Variants in CBLB observed in about 807,000 individuals in gnomAD.
The protein encoded by CBLB is E3 ubiquitin-protein ligase CBL-B.
In CBLB, 31 loss-of-function variants were observed where a neutral mutation model predicts 104.9. The ratio of observed to expected loss-of-function variants is 0.30; its 90% confidence interval spans 0.22 to 0.40. The LOEUF (loss-of-function observed/expected upper bound fraction) is 0.40. CBLB is among the 10% of genes least tolerant of loss of function. The probability of loss-of-function intolerance (pLI) is 1.00; values close to 1 mark genes in which losing one functional copy is unlikely to be tolerated. For synonymous variants in CBLB, 440 were observed against 422.6 expected, an observed-to-expected ratio of 1.04 and a Z score of -0.51; for missense variants, 1,062 against 1,214.6, an observed-to-expected ratio of 0.87 and a Z score of 1.87.
intron 2 of CBLB, among the ~76,000 whole-genome samples, chr3:105,855,294 T>C (rs953121051): frequency 3.3e-5 from 5 of 151,814 alleles, no homozygotes; most frequent in Admixed American, 3.3e-4. Context: ...GGTCAAAGAG[T>C]ACAAATTTGA....
intron 8 of CBLB, among the ~76,000 whole-genome samples, chr3:105,735,286 T>A (rs1375539205): frequency 6.6e-6 from 1 of 152,074 alleles, no homozygotes; most frequent in African/African-American, 2.4e-5. Context: ...TGTGGGGAAC[T>A]TAAGGAAAGA....
At chr3:105,743,500 T>C (rs1296270256) in intron 6 of CBLB, among the ~76,000 whole-genome samples, 1 of 151,040 alleles carries the variant, frequency 6.6e-6, no homozygotes. Flanking sequence ...TATATGCATA[T>C]AAAATGAAGT....
intron 8 of CBLB, among the ~76,000 whole-genome samples, chr3:105,735,127 T>G (rs958802998): frequency 6.6e-6 from 1 of 152,222 alleles, no homozygotes; most frequent in African/African-American, 2.4e-5. Flanking sequence ...TAATAATATT[T>G]AGTCCACAGA....
At chr3:105,770,328 A>T (rs1197123801) in intron 4 of CBLB, among the ~76,000 whole-genome samples, 1 of 152,174 alleles carries the variant, frequency 6.6e-6, no homozygotes, top group Non-Finnish European at 1.5e-5. Context: ...CTCCAAGTAC[A>T]CATCCCCACC....
Position 105,716,724 on chromosome 3 carries a change from ACTAT to A in CBLB, c.1407+3319_1407+3322del, listed in dbSNP as rs566019550. ...AATTACAAGTGATATAAATTTCTAAACTATCTAACTCCCATAAGAAAGTATAACA... is the reference window on the plus strand; with the variant it reads ...AATTACAAGTGATATAAATTTCTAAACTAACTCCCATAAGAAAGTATAACA... On this transcript the variant is annotated intron_variant, in intron 10 of 18. Transcript: ENST00000394030. 2.0e-3 allele frequency among the ~76,000 whole-genome samples: 302 copies of A among 152,334 alleles called. 2 individuals are homozygous for A. Among genetic ancestry groups the A allele is most frequent in the African/African-American group, 7.0e-3 (293 of 41,582 alleles).
At chr3:105,733,862 A>C (rs533465873) in intron 9 of CBLB, 147 bp downstream of exon 9, 26 of 649,744 alleles carry the variant, frequency 4.0e-5, no homozygotes, top group Admixed American at 8.8e-5. Context: ...ATCAAATTAT[A>C]TATAGCAACT....
Position 105,776,384 on chromosome 3 carries a change from AT to A in CBLB, c.566+11del. Reference sequence around the variant, plus strand: ...AGATAGATCCACAGCTATAAAAATGATTTTTACTTACTTGTCTCCAAAAAAC... The same window carrying A: ...AGATAGATCCACAGCTATAAAAATGATTTTACTTACTTGTCTCCAAAAAAC... On this transcript the variant is annotated intron_variant, in intron 4 of 18. Coordinates refer to ENST00000394030, the MANE Select transcript of CBLB (RefSeq NM_170662.5). The A allele has an allele frequency of 6.2e-7, 1 of 1,612,270 alleles. No individual in the cohort carries two copies. The highest frequency in any genetic ancestry group is 8.5e-7 in the Non-Finnish European group (1 of 1,178,892).
In CBLB at chr3:105,657,655, A is replaced by AT. The variant is rs1315785380; in HGVS notation, c.*1314dup. ...ATAGATGCTCAATAAATATTTGTAG[A>AT]TTTATTAAGAGTAATAACATGGTGT... On this transcript the variant is annotated 3_prime_UTR_variant, in exon 19 of 19. Coordinates refer to ENST00000394030, the MANE Select transcript of CBLB (RefSeq NM_170662.5). The AT allele has an allele frequency of 4.9e-6, 1 of 204,026 alleles. No homozygotes were observed. Among genetic ancestry groups the AT allele is most frequent in the Non-Finnish European group, 1.0e-5 (1 of 99,618 alleles). 12.6% of individuals were successfully genotyped at this position (204,026 alleles called of 1,614,324 possible).
At chr3:105,660,440 C>T (rs562201613) in intron 18 of CBLB, among the ~76,000 whole-genome samples, 2 of 152,178 alleles carry the variant, frequency 1.3e-5, no homozygotes, top group South Asian at 4.1e-4. Flanking sequence ...GATCCACCCA[C>T]CTTGGCCTCC....
At chr3:105,706,258 G>A (rs1002994690) in intron 10 of CBLB, among the ~76,000 whole-genome samples, 5 of 152,072 alleles carry the variant, frequency 3.3e-5, no homozygotes, top group Non-Finnish European at 7.4e-5. Flanking sequence ...TGTTGGTGCC[G>A]AATAACAAAA....
intron 9 of CBLB, among the ~76,000 whole-genome samples, chr3:105,732,381 C>G (rs1363634242): frequency 2.6e-5 from 4 of 152,128 alleles, no homozygotes; most frequent in Non-Finnish European, 4.4e-5. Flanking sequence ...GAATGATCTC[C>G]TTCAACATCT....
In CBLB at chr3:105,852,905, C is replaced by G. The variant is rs2091139414; in HGVS notation, c.419+509G>C. Among the ~76,000 whole-genome samples, 2 of 152,006 alleles carry G rather than the reference C, an allele frequency of 1.3e-5. 1 individual carries two copies. The highest frequency in any genetic ancestry group is 4.1e-4 in the South Asian group (2 of 4,828). On this transcript the variant is annotated intron_variant, in intron 3 of 18. Coordinates refer to ENST00000394030, the MANE Select transcript of CBLB (RefSeq NM_170662.5). ...GCTAATTTTGTATTTTTAGTAGAGA[C>G]AGGGTTTCTCCATGTTGGTCAGGCT...
At chr3:105,672,673 AT>A (rs2152702644) in intron 17 of CBLB, 1 of 152,364 alleles carries the variant, frequency 6.6e-6, no homozygotes, top group African/African-American at 2.4e-5. Context: ...TGAGAAATAA[AT>A]GGATACACAT....
At chr3:105,858,348 C>T (rs925549066) in intron 2 of CBLB, among the ~76,000 whole-genome samples, 1 of 152,076 alleles carries the variant, frequency 6.6e-6, no homozygotes, top group African/African-American at 2.4e-5. Context: ...TATTGAATAC[C>T]TGCTATGTGC....
chr3:105,793,239 C>T (rs900575693), intron 3 of CBLB, among the ~76,000 whole-genome samples: 5 of 151,918 alleles, frequency 3.3e-5, no homozygotes, highest in Non-Finnish European at 7.4e-5. Flanking sequence ...ACAGGAAATG[C>T]CGCTACATTC....
chr3:105,855,347 T>A (rs546113820), intron 2 of CBLB, among the ~76,000 whole-genome samples: 3 of 152,136 alleles, frequency 2.0e-5, no homozygotes, highest in Non-Finnish European at 4.4e-5. Context: ...ATGTACAGCA[T>A]GAGGCCTATA....
At chr3:105,752,198 A>G (rs1050327382) in intron 4 of CBLB, among the ~76,000 whole-genome samples, 19 of 152,244 alleles carry the variant, frequency 1.2e-4, no homozygotes, top group African/African-American at 4.3e-4. Context: ...TTTTTAAACC[A>G]ACCACAATGG....
At chr3:105,771,482 A>T (rs1034543264) in intron 4 of CBLB, among the ~76,000 whole-genome samples, 1 of 152,140 alleles carries the variant, frequency 6.6e-6, no homozygotes, top group Admixed American at 6.5e-5. Context: ...CCAGATAAAG[A>T]TCCCCACCTT....
At chr3:105,763,057 C>T (rs2077819988) in intron 4 of CBLB, among the ~76,000 whole-genome samples, 1 of 152,170 alleles carries the variant, frequency 6.6e-6, no homozygotes, top group South Asian at 2.1e-4. Flanking sequence ...GTTTGACTGG[C>T]CCGCTGGATT....
Sources: allele counts gnomAD v4.1 joint callset (sites outside exome capture counted in the v4.1 genomes callset), GRCh38; gene constraint gnomAD v4.1.1; transcripts MANE v1.5; gene names NCBI Gene and HGNC (gene_info 2026-07-23, HGNC 2026-07-21).